The following EP300 variants were observed in gnomAD, a reference collection of about 807,000 sequenced individuals.
The protein encoded by EP300 is EP300 lysine acetyltransferase, also known as histone acetyltransferase p300.
Under a neutral mutation model 264.0 loss-of-function variants are expected in EP300, and 31 were observed. The observed-to-expected ratio is 0.12, with a 90% confidence interval of 0.09 to 0.16. The LOEUF (loss-of-function observed/expected upper bound fraction) is 0.16. Ranked by LOEUF, EP300 falls within the 10% of genes least tolerant of loss-of-function variation. The probability of loss-of-function intolerance (pLI) is 1.00; values close to 1 mark genes in which losing one functional copy is unlikely to be tolerated. For missense variants in EP300, 2,766 were observed against 3,052.9 expected, an observed-to-expected ratio of 0.91 and a Z score of 2.21; for synonymous variants, 1,340 against 1,045.4, an observed-to-expected ratio of 1.28 and a Z score of -5.44.
At chr22:41,138,810 G>A (rs2058966440) in intron 8 of EP300, among the ~76,000 whole-genome samples, 1 of 152,014 alleles carries the variant, frequency 6.6e-6, no homozygotes, top group Non-Finnish European at 1.5e-5. Context: ...TTTTTTAATT[G>A]ACTGAGGAAC....
intron 10 of EP300, among the ~76,000 whole-genome samples, chr22:41,145,479 A>G (rs1278872825): frequency 1.3e-5 from 2 of 152,188 alleles, no homozygotes; most frequent in African/African-American, 4.8e-5. Flanking sequence ...GATGGAGGGT[A>G]TGGCCAGGGT....
intron 4 of EP300, among the ~76,000 whole-genome samples, chr22:41,127,960 G>A (rs567028289): frequency 2.0e-5 from 3 of 152,294 alleles, no homozygotes; most frequent in African/African-American, 7.2e-5. Context: ...GGCCAAATGG[G>A]GAGGATTGCT....
At chr22:41,172,023 T>G (rs1065580) in intron 27 of EP300, among the ~76,000 whole-genome samples, 1 of 152,338 alleles carries the variant, frequency 6.6e-6, no homozygotes, top group Admixed American at 6.5e-5. Flanking sequence ...GAAGTTTTCC[T>G]AAGCAGCCCA....
At chr22:41,109,363 C>T (rs1461377042) in intron 1 of EP300, among the ~76,000 whole-genome samples, 1 of 151,770 alleles carries the variant, frequency 6.6e-6, no homozygotes, top group Non-Finnish European at 1.5e-5. Flanking sequence ...AATAACAAGA[C>T]TTCTATATTA....
Position 41,177,448 on chromosome 22 carries a change from A to C in EP300, c.5737A>C (p.Thr1913Pro), listed in dbSNP as rs955248478. ...GQVTPPTPPQ[T>P]AQPPLPGPPP... ...GGTGACCCCTCCAACCCCTCCTCAG[A>C]CTGCTCAGCCACCCCTTCCAGGGCC... Residue 1913 changes from threonine to proline, a missense_variant, in exon 31 of 31, where the codon ACT (threonine) becomes CCT (proline). Transcript: ENST00000263253. 2.5e-6 allele frequency: 4 copies of C among 1,613,924 alleles called. No individual in the cohort carries two copies. The African/African-American group carries it at 5.3e-5, about 22-fold the overall frequency.
chr22:41,179,382 AAG>A lies in EP300; in HGVS notation c.*429_*430del, dbSNP rs1039165430. Reference sequence around the variant, plus strand: ...TTTCCCTATTTTCCTCACTTTATGGAAGAGTTAAAACATTTCTAAACCAGAGG... The same window carrying A: ...TTTCCCTATTTTCCTCACTTTATGGAAGTTAAAACATTTCTAAACCAGAGG... On this transcript the variant is annotated 3_prime_UTR_variant, in exon 31 of 31. Coordinates refer to ENST00000263253, the MANE Select transcript of EP300 (RefSeq NM_001429.4). 1 of 210,870 alleles carries A rather than the reference AAG, an allele frequency of 4.7e-6. No homozygotes were observed. The highest frequency in any genetic ancestry group is 9.6e-6 in the Non-Finnish European group (1 of 103,892). The allele number at this position is 210,870 out of a possible 1,614,324, so 13.1% of individuals were successfully genotyped here.
chr22:41,136,120 G>A (rs2058949206), intron 7 of EP300, among the ~76,000 whole-genome samples: 2 of 152,154 alleles, frequency 1.3e-5, no homozygotes, highest in Admixed American at 6.5e-5. Context: ...TCCTGGTTCT[G>A]GTTAAAGCAA....
At chr22:41,121,508 C>CT (rs2058851970) in intron 2 of EP300, among the ~76,000 whole-genome samples, 1 of 152,138 alleles carries the variant, frequency 6.6e-6, no homozygotes, top group Non-Finnish European at 1.5e-5. Flanking sequence ...GCTAGAGAAT[C>CT]TTTTTTGGTC....
chr22:41,106,947 C>T (rs548454841), intron 1 of EP300, among the ~76,000 whole-genome samples: 1 of 152,174 alleles, frequency 6.6e-6, no homozygotes, highest in South Asian at 2.1e-4. Context: ...CGCACTGTCA[C>T]CCAGGCTGGA....
At chr22:41,169,461 C>A (rs1442254575) in intron 25 of EP300, 42 bp from the exon 26 acceptor site, 1 of 1,313,850 alleles carries the variant, frequency 7.6e-7, no homozygotes, top group Non-Finnish European at 1.1e-6. Flanking sequence ...ATTATGTGAC[C>A]TGACTTTTTT....
intron 25 of EP300, chr22:41,169,141 A>C (rs916211141): frequency 1.8e-6 from 1 of 566,744 alleles, no homozygotes; most frequent in Non-Finnish European, 3.1e-6. Flanking sequence ...TCTTCAGAAA[A>C]TGAGCTTAAA....
intron 10 of EP300, 112 bp from the exon 11 acceptor site, chr22:41,146,627 C>A (rs1235515598): frequency 1.1e-6 from 1 of 893,676 alleles, no homozygotes; most frequent in Non-Finnish European, 1.8e-6. Context: ...GATTCATACT[C>A]AATTTTCAAA....
At chr22:41,126,224 TC>T in intron 3 of EP300, 184 bp downstream of exon 3, 1 of 637,386 alleles carries the variant, frequency 1.6e-6, no homozygotes, top group Non-Finnish European at 2.7e-6. Context: ...TTTTTTTTGT[TC>T]CATGTGGTTA....
chr22:41,176,121 A>G, intron 29 of EP300, 126 bp from the exon 30 acceptor site: 5 of 1,083,112 alleles, frequency 4.6e-6, no homozygotes, highest in Non-Finnish European at 6.9e-6. Context: ...TCAGGAGGCC[A>G]TGGTGGGATA....
At chr22:41,098,072 A>G (rs1424909727) in intron 1 of EP300, among the ~76,000 whole-genome samples, 2 of 152,024 alleles carry the variant, frequency 1.3e-5, no homozygotes, top group East Asian at 1.9e-4. Context: ...ATATGTATAC[A>G]TGTGCCATGT....
chr22:41,118,928 G>A (rs886653467), intron 2 of EP300, among the ~76,000 whole-genome samples: 1 of 151,278 alleles, frequency 6.6e-6, no homozygotes, highest in Admixed American at 6.6e-5. Flanking sequence ...TTTTTGCTGC[G>A]AGAATATTGA....
chr22:41,125,755 G>C, intron 2 of EP300, 109 bp from the exon 3 acceptor site: 1 of 1,214,306 alleles, frequency 8.2e-7, no homozygotes. Flanking sequence ...TAGAAGCTGA[G>C]AATTTCCTTT....
At chr22:41,112,709 G>GTTT (rs879598743) in intron 1 of EP300, among the ~76,000 whole-genome samples, 1 of 68,270 alleles carries the variant, frequency 1.5e-5, no homozygotes, top group Admixed American at 1.1e-4. Flanking sequence ...TTTTTATATT[G>GTTT]TTTTTTTTTT....
chr22:41,093,324 A>T (rs1249170273), intron 1 of EP300, among the ~76,000 whole-genome samples: 2 of 152,190 alleles, frequency 1.3e-5, no homozygotes, highest in African/African-American at 4.8e-5. Context: ...TGTGTTCTGG[A>T]ATTAGAGCTC....
Sources: allele counts gnomAD v4.1 joint callset (sites outside exome capture counted in the v4.1 genomes callset), GRCh38; gene constraint gnomAD v4.1.1; transcripts MANE v1.5; gene names NCBI Gene and HGNC (gene_info 2026-07-23, HGNC 2026-07-21).